Variants in CNTNAP4 observed in about 807,000 individuals in gnomAD.
CNTNAP4 encodes the protein contactin-associated protein-like 4.
Under a neutral mutation model 148.4 loss-of-function variants are expected in CNTNAP4, and 98 were observed. That is an observed-to-expected ratio of 0.66 (90% CI 0.56 to 0.78). CNTNAP4 has a LOEUF of 0.78. Ranked by LOEUF, CNTNAP4 falls within the 30% of genes least tolerant of loss-of-function variation. The pLI, the probability that CNTNAP4 is intolerant of heterozygous loss-of-function variation, is 0.00. For missense variants in CNTNAP4, 1,935 were observed against 1,565.6 expected, an observed-to-expected ratio of 1.24 and a Z score of -3.98; for synonymous variants, 730 against 565.1, an observed-to-expected ratio of 1.29 and a Z score of -4.14.
At chr16:76,514,143 G>C (rs926823464) in intron 15 of CNTNAP4, among the ~76,000 whole-genome samples, 1 of 152,092 alleles carries the variant, frequency 6.6e-6, no homozygotes, top group East Asian at 1.9e-4. Flanking sequence ...AGGATGTTAC[G>C]CTTGGGAGGC....
At chr16:76,329,848 G>A (rs908525258) in intron 2 of CNTNAP4, among the ~76,000 whole-genome samples, 3 of 152,138 alleles carry the variant, frequency 2.0e-5, no homozygotes, top group African/African-American at 7.2e-5. Flanking sequence ...ATATCTGACT[G>A]TATTAAAATG....
At chr16:76,347,537 A>C (rs1965009506) in intron 2 of CNTNAP4, among the ~76,000 whole-genome samples, 1 of 152,212 alleles carries the variant, frequency 6.6e-6, no homozygotes, top group Non-Finnish European at 1.5e-5. Flanking sequence ...AAAAATGAAA[A>C]AGTGGTTCAG....
At position 76,463,906 on chromosome 16, in the gene CNTNAP4, TA is replaced by T. The variant is rs1403450867; in HGVS notation, c.1483+1809del. 2.0e-5 allele frequency among the ~76,000 whole-genome samples: 3 copies of T among 152,230 alleles called. No individual in the cohort carries two copies. In the South Asian group the frequency reaches 6.2e-4, roughly 32 times the overall value. On this transcript the variant is annotated intron_variant, in intron 9 of 23. Transcript: ENST00000611870. ...TAAAATTCCAACTTCAGGGCTTTCT[TA>T]AAAAAAATTACGAATCTCAAGTTTA...
intron 17 of CNTNAP4, among the ~76,000 whole-genome samples, chr16:76,534,519 C>T (rs2084130889): frequency 6.6e-6 from 1 of 152,054 alleles, no homozygotes; most frequent in Non-Finnish European, 1.5e-5. Flanking sequence ...TACTCTTTTC[C>T]CGCTTCAAGT....
intron 17 of CNTNAP4, among the ~76,000 whole-genome samples, chr16:76,528,784 A>C (rs1480579817): frequency 6.6e-6 from 1 of 152,198 alleles, no homozygotes; most frequent in African/African-American, 2.4e-5. Context: ...AAAAAATGTG[A>C]TCCAGTTGGG....
At chr16:76,338,818 A>G (rs1049058990) in intron 2 of CNTNAP4, among the ~76,000 whole-genome samples, 6 of 151,980 alleles carry the variant, frequency 3.9e-5, no homozygotes, top group South Asian at 2.1e-4. Flanking sequence ...TAAGGTGGGG[A>G]AAAAAAATTT....
At chr16:76,451,143 A>C (rs4459575) in intron 7 of CNTNAP4, among the ~76,000 whole-genome samples, 106,104 of 152,066 alleles carry the variant, frequency 0.7, 40,189 homozygotes, top group Non-Finnish European at 0.84. Context: ...GCAGGAGAGC[A>C]AGGACAGACT....
intron 12 of CNTNAP4, among the ~76,000 whole-genome samples, chr16:76,480,571 C>G (rs2081789552): frequency 6.6e-6 from 1 of 152,054 alleles, no homozygotes; most frequent in Non-Finnish European, 1.5e-5. Flanking sequence ...AATCTCGTCT[C>G]TCCTAAAAAT....
At chr16:76,285,573 G>A (rs1958846732) in intron 1 of CNTNAP4, among the ~76,000 whole-genome samples, 1 of 151,982 alleles carries the variant, frequency 6.6e-6, no homozygotes, top group African/African-American at 2.4e-5. Context: ...ATTAGTTTCT[G>A]TAACCATTTT....
rs373140618 is a variant in CNTNAP4 at position 76,400,504 on chromosome 16, TTGA to T, written c.391-26943_391-26941del. On this transcript the variant is annotated intron_variant, in intron 3 of 23. Transcript: ENST00000611870. ...TTCTATTCTGTAAGTTGTCTGTTTA[TTGA>T]TGATTTCTTTTGCTGTGCAAAAGCT... 2.2e-3 allele frequency among the ~76,000 whole-genome samples: 336 copies of T among 152,256 alleles called. 2 individuals carry two copies. Among genetic ancestry groups the T allele is most frequent in the African/African-American group, 7.7e-3 (321 of 41,552 alleles).
At chr16:76,372,953 A>T (rs2015008623) in intron 3 of CNTNAP4, among the ~76,000 whole-genome samples, 1 of 152,170 alleles carries the variant, frequency 6.6e-6, no homozygotes, top group Admixed American at 6.5e-5. Flanking sequence ...TTTCGAAGAG[A>T]TATTGATAAT....
At chr16:76,460,773 A>AATAAATATATATAT (rs1555564518) in intron 8 of CNTNAP4, among the ~76,000 whole-genome samples, 2 of 57,324 alleles carry the variant, frequency 3.5e-5, no homozygotes, top group African/African-American at 1.3e-4. Flanking sequence ...AAAAAAAAAA[A>AATAAATATATATAT]ATATATATAT....
At chr16:76,313,504 C>T (rs556099807) in intron 1 of CNTNAP4, among the ~76,000 whole-genome samples, 1 of 152,264 alleles carries the variant, frequency 6.6e-6, no homozygotes, top group South Asian at 2.1e-4. Context: ...ATCAGAATTT[C>T]CTTCACCACT....
chr16:76,458,761 G>A (rs1386431006), intron 8 of CNTNAP4, among the ~76,000 whole-genome samples: 1 of 152,134 alleles, frequency 6.6e-6, no homozygotes, highest in East Asian at 1.9e-4. Context: ...CACAGACCTG[G>A]TATCGGTCCA....
intron 21 of CNTNAP4, among the ~76,000 whole-genome samples, chr16:76,547,283 G>T (rs1235433235): frequency 6.6e-6 from 1 of 152,130 alleles, no homozygotes; most frequent in African/African-American, 2.4e-5. Context: ...GAAAAAGAGA[G>T]ATCGCAATTA....
intron 21 of CNTNAP4, among the ~76,000 whole-genome samples, chr16:76,548,266 C>G (rs1199835117): frequency 6.8e-6 from 1 of 147,338 alleles, no homozygotes; most frequent in Non-Finnish European, 1.5e-5. Flanking sequence ...CCATTCAGTT[C>G]CAACCCTGGC....
chr16:76,520,793 C>T (rs1337159321), intron 15 of CNTNAP4, among the ~76,000 whole-genome samples: 10 of 152,184 alleles, frequency 6.6e-5, no homozygotes, highest in African/African-American at 2.4e-4. Flanking sequence ...TAAAAGATTG[C>T]CTATTTATCA....
At chr16:76,430,827 C>T (rs1297047932) in intron 4 of CNTNAP4, among the ~76,000 whole-genome samples, 2 of 152,194 alleles carry the variant, frequency 1.3e-5, no homozygotes, top group Non-Finnish European at 2.9e-5. Flanking sequence ...TGCAGAACTA[C>T]ACAACCCGTG....
chr16:76,298,097 C>T lies in CNTNAP4; in HGVS notation c.86-18316C>T, dbSNP rs116287084. On this transcript the variant is annotated intron_variant, in intron 1 of 23. Transcript: ENST00000611870. ...CTTCCCCATCTCTTTTGTTCTACTG[C>T]CACAGTCTTTCAAACTACACAGCTG... Among the ~76,000 whole-genome samples the T allele has an allele frequency of 5.1e-3, 780 of 152,228 alleles. 7 individuals carry two copies. Among genetic ancestry groups the T allele is most frequent in the African/African-American group, 0.017 (698 of 41,552 alleles).
Sources: gnomAD v4.1 joint callset for allele counts (sites outside exome capture counted in the v4.1 genomes callset) on GRCh38, gnomAD v4.1.1 for gene constraint, MANE v1.5 for transcripts, NCBI Gene and HGNC (gene_info 2026-07-23, HGNC 2026-07-21) for gene names.